R3HDM1: variants seen among roughly 807,000 people sequenced by gnomAD.
R3HDM1 encodes R3H domain-containing protein 1.
R3HDM1 carries 46 observed loss-of-function variants against 141.1 expected under a neutral mutation model. That is an observed-to-expected ratio of 0.33 (90% CI 0.26 to 0.42). The LOEUF (loss-of-function observed/expected upper bound fraction) is 0.42. Ranked by LOEUF, R3HDM1 falls within the 10% of genes least tolerant of loss-of-function variation. The pLI is 1.00. For missense variants in R3HDM1, 1,184 were observed against 1,368.3 expected (o/e 0.87, Z 2.12); for synonymous variants, 435 against 472.9 (o/e 0.92, Z 1.04).
intron 23 of R3HDM1, among the ~76,000 whole-genome samples, chr2:135,712,460 T>G (rs2075761800): frequency 7.2e-6 from 1 of 139,074 alleles, no homozygotes. Context: ...TTTATAGAGA[T>G]GGGGTATTGC....
chr2:135,586,987 A>G, intron 1 of R3HDM1: 3 of 985,034 alleles, frequency 3.0e-6, no homozygotes, highest in Non-Finnish European at 3.6e-6. Flanking sequence ...TTCAAAACTC[A>G]TGGTAACGGT....
In R3HDM1 at chr2:135,574,574, A is replaced by G. The variant is rs140514633; in HGVS notation, c.-249-27926A>G. Among the ~76,000 whole-genome samples, 5 of 152,340 alleles carry G rather than the reference A, an allele frequency of 3.3e-5. No homozygotes were observed. The East Asian group carries it at 9.6e-4, about 29-fold the overall frequency. ...CTATAAATCAGCATCCCATAAGAAT[A>G]TTGATGCAGAAGTGCTAAATTAAAT... On this transcript the variant is annotated intron_variant, in intron 1 of 26. Coordinates refer to ENST00000683871, the MANE Select transcript of R3HDM1 (RefSeq NM_001378107.1).
chr2:135,589,188 G>A (rs1323424268), intron 1 of R3HDM1, among the ~76,000 whole-genome samples: 2 of 152,104 alleles, frequency 1.3e-5, no homozygotes, highest in Non-Finnish European at 2.9e-5. Context: ...GTCATAACTA[G>A]CATAAAGCTA....
At chr2:135,654,381 C>A (rs1191239273) in intron 18 of R3HDM1, among the ~76,000 whole-genome samples, 1 of 152,174 alleles carries the variant, frequency 6.6e-6, no homozygotes, top group South Asian at 2.1e-4. Flanking sequence ...TCACACTATT[C>A]ATTCTTTCCC....
intron 19 of R3HDM1, chr2:135,669,367 T>C: frequency 1.0e-6 from 1 of 985,320 alleles, no homozygotes; most frequent in South Asian, 4.7e-5. Flanking sequence ...CTATTTTGAA[T>C]AACATGCTTA....
chr2:135,558,001 G>A (rs1031427538), intron 1 of R3HDM1, among the ~76,000 whole-genome samples: 1 of 152,192 alleles, frequency 6.6e-6, no homozygotes, highest in Non-Finnish European at 1.5e-5. Context: ...AGAGAAGTAC[G>A]TATTTTAAGA....
Position 135,537,904 on chromosome 2 carries a change from C to T in R3HDM1, c.-250+6271C>T, listed in dbSNP as rs141047155. Among the ~76,000 whole-genome samples, 941 of 152,172 alleles carry T rather than the reference C, an allele frequency of 6.2e-3. 8 individuals are homozygous for T. The highest frequency in any genetic ancestry group is 0.042 in the South Asian group (201 of 4,832). ...GTATCTGTTTGTTTTTTACTGGGAA[C>T]AACCCAAATGTCCTTCGCTGCGTGA... On this transcript the variant is annotated intron_variant, in intron 1 of 26. Transcript: ENST00000683871.
intron 18 of R3HDM1, among the ~76,000 whole-genome samples, chr2:135,653,259 G>A (rs984206678): frequency 1.3e-5 from 2 of 152,144 alleles, no homozygotes; most frequent in African/African-American, 4.8e-5. Context: ...GAGAGGCTGA[G>A]GCAGGAGAAT....
At chr2:135,713,847 G>A (rs2075905756) in intron 23 of R3HDM1, among the ~76,000 whole-genome samples, 1 of 152,176 alleles carries the variant, frequency 6.6e-6, no homozygotes, top group Admixed American at 6.6e-5. Flanking sequence ...AGGATCAGGA[G>A]TGGAGGTTTG....
intron 24 of R3HDM1, among the ~76,000 whole-genome samples, chr2:135,720,239 G>C (rs1427247174): frequency 6.6e-6 from 1 of 152,166 alleles, no homozygotes; most frequent in African/African-American, 2.4e-5. Context: ...TCTATAGGTT[G>C]GGAAAGAGTA....
intron 26 of R3HDM1, 53 bp from the exon 27 acceptor site, chr2:135,723,884 C>T: frequency 2.7e-6 from 4 of 1,462,104 alleles, no homozygotes; most frequent in Non-Finnish European, 3.7e-6. Context: ...TGCTTTTTTA[C>T]CCAACTTTTT....
intron 1 of R3HDM1, among the ~76,000 whole-genome samples, chr2:135,564,785 T>C (rs978917608): frequency 1.3e-5 from 2 of 152,202 alleles, no homozygotes; most frequent in Non-Finnish European, 2.9e-5. Context: ...AGCAAAAATA[T>C]GAAAACTAGC....
chr2:135,708,785 C>T (rs978214842), intron 21 of R3HDM1, among the ~76,000 whole-genome samples: 5 of 151,860 alleles, frequency 3.3e-5, no homozygotes, highest in Non-Finnish European at 7.4e-5. Flanking sequence ...AATGGCAAAA[C>T]CCCATTCTAC....
intron 1 of R3HDM1, chr2:135,596,890 G>A (rs868526360): frequency 1.9e-5 from 8 of 413,694 alleles, no homozygotes; most frequent in Middle Eastern, 1.2e-3. Flanking sequence ...TGTATAAGGC[G>A]TTTCCTTAGG....
intron 18 of R3HDM1, among the ~76,000 whole-genome samples, chr2:135,654,468 TGAG>T (rs1342888173): frequency 6.6e-6 from 1 of 150,444 alleles, no homozygotes; most frequent in Non-Finnish European, 1.5e-5. Context: ...TTGTTGTTGT[TGAG>T]ACAGAGTCTC....
intron 21 of R3HDM1, among the ~76,000 whole-genome samples, chr2:135,696,688 C>T (rs2073301189): frequency 6.6e-6 from 1 of 151,964 alleles, no homozygotes; most frequent in African/African-American, 2.4e-5. Context: ...GATAGGATCT[C>T]ACTGTATTAC....
intron 19 of R3HDM1, among the ~76,000 whole-genome samples, chr2:135,671,518 C>T (rs150183636): frequency 0.12 from 17,818 of 151,542 alleles, 1,277 homozygotes; most frequent in South Asian, 0.32. Context: ...TACAGGTATG[C>T]GCCACCACGC....
At chr2:135,564,784 A>G (rs1404327563) in intron 1 of R3HDM1, among the ~76,000 whole-genome samples, 1 of 152,262 alleles carries the variant, frequency 6.6e-6, no homozygotes, top group Non-Finnish European at 1.5e-5. Context: ...AAGCAAAAAT[A>G]TGAAAACTAG....
intron 1 of R3HDM1, chr2:135,581,309 G>C: frequency 2.0e-6 from 2 of 985,380 alleles, no homozygotes; most frequent in Non-Finnish European, 2.4e-6. Context: ...GAACTCTCAT[G>C]CGTCCTTCCT....
Sources: gnomAD v4.1 joint callset for allele counts (sites outside exome capture counted in the v4.1 genomes callset) on GRCh38, gnomAD v4.1.1 for gene constraint, MANE v1.5 for transcripts, NCBI Gene and HGNC (gene_info 2026-07-23, HGNC 2026-07-21) for gene names.